DLG2: variants seen among roughly 807,000 people sequenced by gnomAD.
DLG2 encodes disks large homolog 2.
In DLG2, 45 loss-of-function variants were observed where a neutral mutation model predicts 132.5. The ratio of observed to expected loss-of-function variants is 0.34; its 90% CI spans 0.27 to 0.44. DLG2 has a LOEUF of 0.44. Among genes scored for constraint, DLG2 ranks in the 20% least tolerant of loss-of-function variants. The pLI is 1.00. For missense variants in DLG2, 1,045 were observed against 1,196.9 expected (o/e 0.87, Z 1.87); for synonymous variants, 424 against 419.6 (o/e 1.01, Z -0.13).
intron 7 of DLG2, among the ~76,000 whole-genome samples, chr11:84,448,195 A>G (rs147311516): frequency 2.6e-4 from 40 of 152,182 alleles, no homozygotes; most frequent in African/African-American, 9.4e-4. Context: ...AGTAAAATTC[A>G]GTTAGCCTGG....
At chr11:84,356,566 A>G (rs1363668641) in intron 7 of DLG2, among the ~76,000 whole-genome samples, 2 of 152,134 alleles carry the variant, frequency 1.3e-5, no homozygotes, top group South Asian at 2.1e-4. Context: ...TACCTGTAAA[A>G]TGAGATCAAT....
chr11:84,928,980 G>GTA (rs1385905913), intron 6 of DLG2, among the ~76,000 whole-genome samples: 165 of 40,176 alleles, frequency 4.1e-3, no homozygotes, highest in African/African-American at 0.012. Flanking sequence ...GTGTGTGTGT[G>GTA]TGTATATATA....
intron 6 of DLG2, among the ~76,000 whole-genome samples, chr11:84,909,555 CATT>C (rs1382977824): frequency 6.6e-5 from 10 of 152,148 alleles, no homozygotes; most frequent in African/African-American, 2.2e-4. Flanking sequence ...AAAAAGCAAT[CATT>C]GAGTACATTC....
At chr11:84,788,879 T>C (rs2153934520) in intron 6 of DLG2, among the ~76,000 whole-genome samples, 1 of 152,248 alleles carries the variant, frequency 6.6e-6, no homozygotes, top group South Asian at 2.1e-4. Flanking sequence ...ATGGTCCTTT[T>C]CCAGCCTCAT....
chr11:84,437,959 G>C (rs747274180), intron 7 of DLG2: 1 of 152,424 alleles, frequency 6.6e-6, no homozygotes, highest in South Asian at 2.1e-4. Context: ...ATACAGCCTC[G>C]CAGGTAAATC....
chr11:83,958,189 T>C (rs1042513879), intron 14 of DLG2, among the ~76,000 whole-genome samples: 3 of 152,198 alleles, frequency 2.0e-5, no homozygotes, highest in Non-Finnish European at 2.9e-5. Context: ...GCAACTTGAA[T>C]ATATATTAGA....
chr11:84,797,439 G>A (rs1598354407), intron 6 of DLG2, among the ~76,000 whole-genome samples: 1 of 152,124 alleles, frequency 6.6e-6, no homozygotes, highest in Non-Finnish European at 1.5e-5. Flanking sequence ...TCCTCTGACT[G>A]TGAATTTTCA....
chr11:84,719,418 G>A (rs965189371), intron 6 of DLG2, among the ~76,000 whole-genome samples: 1 of 152,054 alleles, frequency 6.6e-6, no homozygotes, highest in African/African-American at 2.4e-5. Context: ...TAAATAAGCT[G>A]GACAAATCCA....
At chr11:84,834,002 G>A (rs935931773) in intron 6 of DLG2, among the ~76,000 whole-genome samples, 2 of 151,630 alleles carry the variant, frequency 1.3e-5, no homozygotes, top group Non-Finnish European at 3.0e-5. Context: ...ACAAAATAGA[G>A]TAGGCACAAG....
intron 8 of DLG2, among the ~76,000 whole-genome samples, chr11:84,216,900 A>C (rs993369700): frequency 6.6e-6 from 1 of 152,198 alleles, no homozygotes; most frequent in Non-Finnish European, 1.5e-5. Flanking sequence ...AGCTGGCATT[A>C]TGGAATCATG....
intron 11 of DLG2, among the ~76,000 whole-genome samples, chr11:84,040,063 G>A (rs980848875): frequency 6.6e-6 from 1 of 151,676 alleles, no homozygotes. Flanking sequence ...TTTTTGATAG[G>A]GTTGTTTGTT....
intron 21 of DLG2, among the ~76,000 whole-genome samples, chr11:83,490,704 T>A (rs901255941): frequency 3.3e-5 from 5 of 151,978 alleles, no homozygotes; most frequent in Non-Finnish European, 5.9e-5. Flanking sequence ...GGCCTCCTGA[T>A]GGAAAACACT....
intron 21 of DLG2, among the ~76,000 whole-genome samples, chr11:83,489,770 T>C (rs2093733102): frequency 6.6e-6 from 1 of 151,996 alleles, no homozygotes; most frequent in African/African-American, 2.4e-5. Context: ...GGTTTATTGC[T>C]GGTTGTGATA....
chr11:84,836,930 T>C (rs566920655), intron 6 of DLG2, among the ~76,000 whole-genome samples: 1 of 152,002 alleles, frequency 6.6e-6, no homozygotes, highest in South Asian at 2.1e-4. Flanking sequence ...TACAGATGTA[T>C]ACATGTGCCA....
chr11:85,230,609 A>G (rs1258069028), intron 4 of DLG2, among the ~76,000 whole-genome samples: 2 of 151,968 alleles, frequency 1.3e-5, no homozygotes, highest in African/African-American at 4.8e-5. Context: ...CCAGTTTATT[A>G]TAAGACTTAA....
intron 6 of DLG2, among the ~76,000 whole-genome samples, chr11:84,746,284 A>G (rs2065351332): frequency 6.6e-6 from 1 of 151,996 alleles, no homozygotes; most frequent in African/African-American, 2.4e-5. Context: ...AAGATCAGCC[A>G]TTCTATTTAT....
intron 18 of DLG2, among the ~76,000 whole-genome samples, chr11:83,720,409 G>T (rs997874997): frequency 9.4e-5 from 14 of 148,582 alleles, no homozygotes; most frequent in African/African-American, 3.0e-4. Flanking sequence ...ACTACAAAAG[G>T]TACTCCAAGT....
intron 7 of DLG2, among the ~76,000 whole-genome samples, chr11:84,285,900 T>C (rs2097904982): frequency 1.3e-5 from 2 of 152,346 alleles, no homozygotes; most frequent in South Asian, 4.1e-4. Context: ...AAATATTTGT[T>C]GGATAAATGA....
At chr11:84,113,959 T>TA (rs1054792052) in intron 9 of DLG2, among the ~76,000 whole-genome samples, 6 of 151,282 alleles carry the variant, frequency 4.0e-5, no homozygotes, top group African/African-American at 1.2e-4. Flanking sequence ...CACAGAAGAG[T>TA]AAAAAAAATG....
Sources: allele counts gnomAD v4.1 joint callset (sites outside exome capture counted in the v4.1 genomes callset), GRCh38; gene constraint gnomAD v4.1.1; transcripts MANE v1.5; gene names NCBI Gene and HGNC (gene_info 2026-07-23, HGNC 2026-07-21).